The following PIP5K1B variants were observed in gnomAD, a reference collection of about 807,000 sequenced individuals.
The protein encoded by PIP5K1B is phosphatidylinositol 4-phosphate 5-kinase type-1 beta.
PIP5K1B carries 42 observed loss-of-function variants against 67.0 expected under a neutral mutation model. The ratio of observed to expected loss-of-function variants is 0.63; its 90% CI spans 0.49 to 0.81. The LOEUF (loss-of-function observed/expected upper bound fraction) is 0.81. Among genes scored for constraint, PIP5K1B ranks in the 30% least tolerant of loss-of-function variants. The pLI is 0.00. For missense variants in PIP5K1B, 459 were observed against 646.3 expected (o/e 0.71, Z 3.14); for synonymous variants, 214 against 231.4 (o/e 0.92, Z 0.68).
chr9:68,905,407 G>A (rs1174052169), intron 8 of PIP5K1B, among the ~76,000 whole-genome samples: 1 of 151,802 alleles, frequency 6.6e-6, no homozygotes, highest in African/African-American at 2.4e-5. Flanking sequence ...ATGCAAAACA[G>A]GGCAGAGTTG....
chr9:68,934,494 A>G (rs1460452991), intron 12 of PIP5K1B, among the ~76,000 whole-genome samples: 1 of 152,192 alleles, frequency 6.6e-6, no homozygotes, highest in African/African-American at 2.4e-5. Flanking sequence ...AATTCTCTAT[A>G]CTTTACCATC....
chr9:68,952,196 G>A (rs1465556531), intron 14 of PIP5K1B, among the ~76,000 whole-genome samples: 1 of 152,028 alleles, frequency 6.6e-6, no homozygotes, highest in Non-Finnish European at 1.5e-5. Flanking sequence ...CTTGTTCTTC[G>A]GTTTGCTTAG....
At chr9:68,991,894 A>T (rs1830382396) in intron 15 of PIP5K1B, among the ~76,000 whole-genome samples, 1 of 152,144 alleles carries the variant, frequency 6.6e-6, no homozygotes. Flanking sequence ...GATGGGCTAC[A>T]CTGTAAAAGA....
At chr9:68,768,507 G>T (rs1056322307) in intron 2 of PIP5K1B, among the ~76,000 whole-genome samples, 1 of 152,182 alleles carries the variant, frequency 6.6e-6, no homozygotes, top group Admixed American at 6.5e-5. Flanking sequence ...GGGGAAGGAA[G>T]GCATAGACTG....
chr9:68,863,733 G>A, intron 4 of PIP5K1B, 104 bp from the exon 5 acceptor site: 1 of 927,712 alleles, frequency 1.1e-6, no homozygotes, highest in Non-Finnish European at 1.6e-6. Context: ...TCATTGTTTT[G>A]GAGCAAGAAA....
At chr9:68,820,203 G>A (rs1833666373) in intron 3 of PIP5K1B, among the ~76,000 whole-genome samples, 2 of 152,148 alleles carry the variant, frequency 1.3e-5, no homozygotes, top group South Asian at 4.1e-4. Context: ...ACAGTTGAAG[G>A]CCTGTATTTT....
intron 4 of PIP5K1B, among the ~76,000 whole-genome samples, chr9:68,831,556 G>A (rs1236156510): frequency 6.6e-6 from 1 of 152,204 alleles, no homozygotes; most frequent in East Asian, 1.9e-4. Flanking sequence ...TCTGAATGCT[G>A]TGGTGTCTGG....
At chr9:68,907,436 A>T (rs1015429674) in intron 8 of PIP5K1B, among the ~76,000 whole-genome samples, 102 of 151,912 alleles carry the variant, frequency 6.7e-4, no homozygotes, top group African/African-American at 2.1e-3. Flanking sequence ...ATAAATATTT[A>T]AAAAAATATT....
intron 14 of PIP5K1B, among the ~76,000 whole-genome samples, chr9:68,987,562 AAAAT>A (rs1830147646): frequency 6.6e-6 from 1 of 152,230 alleles, no homozygotes; most frequent in Admixed American, 6.5e-5. Context: ...ACTCCATCTC[AAAAT>A]AAATAAATAA....
chr9:68,721,513 G>A (rs575972437), intron 1 of PIP5K1B, among the ~76,000 whole-genome samples: 10 of 152,232 alleles, frequency 6.6e-5, no homozygotes, highest in South Asian at 2.1e-4. Flanking sequence ...TAGAGGCATC[G>A]TACATATGGT....
At chr9:68,938,929 G>C (rs1373896113) in intron 13 of PIP5K1B, among the ~76,000 whole-genome samples, 1 of 152,120 alleles carries the variant, frequency 6.6e-6, no homozygotes, top group African/African-American at 2.4e-5. Context: ...AGATTTAAAG[G>C]GCTCGTACAA....
chr9:68,803,626 A>G (rs1832718994), intron 2 of PIP5K1B, among the ~76,000 whole-genome samples: 1 of 152,250 alleles, frequency 6.6e-6, no homozygotes, highest in African/African-American at 2.4e-5. Flanking sequence ...TGCACTTCCC[A>G]ACTGAGTTTG....
At chr9:68,999,952 C>T (rs1015006060) in intron 15 of PIP5K1B, among the ~76,000 whole-genome samples, 3 of 152,188 alleles carry the variant, frequency 2.0e-5, no homozygotes, top group African/African-American at 7.2e-5. Context: ...CGTGCAAGGT[C>T]AGCAGGCGGC....
intron 2 of PIP5K1B, among the ~76,000 whole-genome samples, chr9:68,800,377 G>A (rs866083177): frequency 6.6e-6 from 1 of 152,208 alleles, no homozygotes. Context: ...GCCTGCACAT[G>A]CACAGGTGTT....
intron 11 of PIP5K1B, 122 bp downstream of exon 11, chr9:68,919,851 C>G (rs1214389529): frequency 1.7e-6 from 1 of 571,872 alleles, no homozygotes; most frequent in East Asian, 3.0e-5. Context: ...TCTTTATAAA[C>G]TCAGAATCTT....
At chr9:68,933,111 A>G (rs534178289) in intron 12 of PIP5K1B, among the ~76,000 whole-genome samples, 4 of 152,058 alleles carry the variant, frequency 2.6e-5, no homozygotes, top group African/African-American at 4.8e-5. Context: ...AAAAAAAAAA[A>G]AAGAAGAAGA....
chr9:68,725,130 T>C (rs1828090783), intron 1 of PIP5K1B, among the ~76,000 whole-genome samples: 2 of 152,202 alleles, frequency 1.3e-5, no homozygotes, highest in Non-Finnish European at 2.9e-5. Context: ...ACACCTACTA[T>C]AGCTTCTCCT....
intron 2 of PIP5K1B, among the ~76,000 whole-genome samples, chr9:68,747,958 G>T (rs1829404710): frequency 6.6e-6 from 1 of 152,102 alleles, no homozygotes; most frequent in Non-Finnish European, 1.5e-5. Flanking sequence ...TATGAAAAAT[G>T]GAGGTGAACA....
At chr9:68,939,149 G>C (rs7852633) in intron 13 of PIP5K1B, among the ~76,000 whole-genome samples, 110,690 of 152,082 alleles carry the variant, frequency 0.73, 41,535 homozygotes, top group Admixed American at 0.83. Flanking sequence ...TTCTACCTAC[G>C]ACACTGGCTT....
Sources: allele counts gnomAD v4.1 joint callset (sites outside exome capture counted in the v4.1 genomes callset), GRCh38; gene constraint gnomAD v4.1.1; transcripts MANE v1.5; gene names NCBI Gene and HGNC (gene_info 2026-07-23, HGNC 2026-07-21).